CDH13: variants seen among roughly 807,000 people sequenced by gnomAD.
CDH13 encodes cadherin 13.
CDH13 carries 24 observed loss-of-function variants against 63.8 expected under a neutral mutation model. The ratio of observed to expected loss-of-function variants is 0.38; its 90% CI spans 0.27 to 0.53. The LOEUF (loss-of-function observed/expected upper bound fraction) is 0.53. Ranked by LOEUF, CDH13 falls within the 20% of genes least tolerant of loss-of-function variation. The pLI, the probability that CDH13 is intolerant of heterozygous loss-of-function variation, is 0.85. For synonymous variants in CDH13, 503 were observed against 355.3 expected (o/e 1.42, Z -4.67); for missense variants, 1,049 against 903.1 (o/e 1.16, Z -2.07).
intron 6 of CDH13, among the ~76,000 whole-genome samples, chr16:83,364,145 A>G (rs55967401): frequency 1.3e-5 from 2 of 152,158 alleles, no homozygotes; most frequent in African/African-American, 2.4e-5. Flanking sequence ...ACTGCTTCTC[A>G]TGGGGACCAA....
chr16:83,047,487 G>C lies in CDH13; in HGVS notation c.366+15269G>C, dbSNP rs939473197. On this transcript the variant is annotated intron_variant, in intron 3 of 13. Transcript: ENST00000567109. The surrounding 1 kb of genome is among the most constrained non-coding windows in gnomAD (Gnocchi z 4.9). The stretch of plus-strand genomic sequence containing the variant: ...TATCTGTAATTTCCTCTTTCCCTCA[G>C]GCCTTTGCGTAATATTTTCTCTGCA... Among the ~76,000 whole-genome samples the C allele has an allele frequency of 2.0e-5, 3 of 151,962 alleles. No homozygotes were observed. The highest frequency in any genetic ancestry group is 7.3e-5 in the African/African-American group (3 of 41,354).
intron 7 of CDH13, among the ~76,000 whole-genome samples, chr16:83,574,297 A>C (rs1904909015): frequency 2.0e-5 from 3 of 152,170 alleles, no homozygotes; most frequent in African/African-American, 4.8e-5. Context: ...AACTGTGCTC[A>C]TGCACTTGAG....
chr16:82,944,442 C>T (rs1182170240), intron 2 of CDH13, among the ~76,000 whole-genome samples: 4 of 152,136 alleles, frequency 2.6e-5, no homozygotes, highest in Non-Finnish European at 5.9e-5. Flanking sequence ...AGGGAGAATG[C>T]ATAAGGGAGC....
chr16:82,925,176 C>T (rs1057356938), intron 2 of CDH13, among the ~76,000 whole-genome samples: 1 of 152,132 alleles, frequency 6.6e-6, no homozygotes, highest in Non-Finnish European at 1.5e-5. Flanking sequence ...GGGGCTGCCT[C>T]CTTTAGCTCT....
chr16:83,195,128 G>C (rs914830902), intron 4 of CDH13, among the ~76,000 whole-genome samples: 1 of 152,116 alleles, frequency 6.6e-6, no homozygotes, highest in African/African-American at 2.4e-5. Flanking sequence ...GTTCTTTGTA[G>C]CTTTATTTAC....
intron 2 of CDH13, among the ~76,000 whole-genome samples, chr16:83,005,301 A>T (rs1913371236): frequency 1.3e-5 from 2 of 152,122 alleles, no homozygotes; most frequent in South Asian, 4.1e-4. Context: ...GAATTTTTCT[A>T]CCAAAGCATA....
intron 1 of CDH13, chr16:82,824,721 A>T (rs1186540195): frequency 6.6e-6 from 1 of 152,252 alleles, no homozygotes; most frequent in Admixed American, 6.5e-5. Flanking sequence ...AGACAAAAGA[A>T]TTATACATGA....
At chr16:83,738,588 G>A (rs1485798322) in intron 10 of CDH13, among the ~76,000 whole-genome samples, 1 of 152,156 alleles carries the variant, frequency 6.6e-6, no homozygotes, top group Non-Finnish European at 1.5e-5. Flanking sequence ...CTTCCTTGGG[G>A]GTTTCAATAT....
chr16:82,962,836 C>T (rs74552249), intron 2 of CDH13, among the ~76,000 whole-genome samples: 3,378 of 151,682 alleles, frequency 0.022, 64 homozygotes, highest in Non-Finnish European at 0.038. Flanking sequence ...TAGAAACAAA[C>T]TTAAACTTTT....
At chr16:83,365,224 C>T (rs138086808) in intron 6 of CDH13, among the ~76,000 whole-genome samples, 122 of 152,264 alleles carry the variant, frequency 8.0e-4, no homozygotes, top group Non-Finnish European at 1.3e-3. Context: ...CCAGTCTAAA[C>T]GCCAGCAGGA....
intron 1 of CDH13, among the ~76,000 whole-genome samples, chr16:82,739,779 G>C (rs1377443038): frequency 6.6e-6 from 1 of 152,098 alleles, no homozygotes; most frequent in Non-Finnish European, 1.5e-5. Context: ...GTTCTGAATG[G>C]TGAGATAAAT....
At chr16:83,623,201 G>A (rs1264199326) in intron 8 of CDH13, among the ~76,000 whole-genome samples, 3 of 152,178 alleles carry the variant, frequency 2.0e-5, no homozygotes, top group East Asian at 3.9e-4. Flanking sequence ...GGTGGGGCCA[G>A]GGCTGGGTGG....
intron 6 of CDH13, among the ~76,000 whole-genome samples, chr16:83,414,399 A>G (rs1161092775): frequency 6.6e-6 from 1 of 152,220 alleles, no homozygotes; most frequent in East Asian, 1.9e-4. Context: ...AAACAAATAT[A>G]TATGTTTATA....
At chr16:83,390,641 C>A (rs903048277) in intron 6 of CDH13, among the ~76,000 whole-genome samples, 1 of 152,076 alleles carries the variant, frequency 6.6e-6, no homozygotes, top group Non-Finnish European at 1.5e-5. Context: ...CACTGTCTCC[C>A]CACCCCAACA....
rs916529763 is a variant in CDH13 at position 83,800,358 on chromosome 16, G to A, written c.*5328G>A. On this transcript the variant is annotated 3_prime_UTR_variant, in exon 14 of 14. Transcript: ENST00000567109. ...TAGAGAGTTATATCTGTGTTGTCAT[G>A]CACATGTCAACACTGTCCTGATGAC... The A allele has an allele frequency of 6.6e-6, 1 of 152,172 alleles. No homozygotes were observed. Among genetic ancestry groups the A allele is most frequent in the Non-Finnish European group, 1.5e-5 (1 of 68,032 alleles). 9.4% of individuals were successfully genotyped at this position (152,172 alleles called of 1,614,324 possible). A position where few individuals can be genotyped will look rare whatever the true frequency, so the allele number is the denominator to read the frequency against.
At position 82,903,381 on chromosome 16, in the gene CDH13, A is replaced by G. The variant is rs966900038; in HGVS notation, c.157+44908A>G. On this transcript the variant is annotated intron_variant, in intron 2 of 13. Coordinates refer to ENST00000567109, the MANE Select transcript of CDH13 (RefSeq NM_001257.5). ...GCTGGGTTGGTGTTTGACCCTGTGA[A>G]GAGCTTTGGATTGCTTTGCCTACCC... is the stretch of plus-strand genomic sequence containing the variant. 6.6e-5 allele frequency among the ~76,000 whole-genome samples: 10 copies of G among 152,178 alleles called. No individual in the cohort carries two copies. In the East Asian group the frequency reaches 1.9e-3, roughly 29 times the overall value.
intron 3 of CDH13, among the ~76,000 whole-genome samples, chr16:83,073,302 C>T (rs941728457): frequency 6.6e-6 from 1 of 151,078 alleles, no homozygotes; most frequent in African/African-American, 2.4e-5. Flanking sequence ...GGAATGGGCT[C>T]TCTCTTTGGG....
rs1179739896 is a variant in CDH13, at chr16:82,879,245, T to C, written c.157+20772T>C. ...TCTAATACTTACTAGCTCTGTAACC[T>C]AGAAAAAGCTCCTTAGCTTCTCTGC... On this transcript the variant is annotated intron_variant, in intron 2 of 13. Coordinates refer to ENST00000567109, the MANE Select transcript of CDH13 (RefSeq NM_001257.5). 1.3e-5 allele frequency among the ~76,000 whole-genome samples: 2 copies of C among 151,976 alleles called. 1 individual carries two copies. Among genetic ancestry groups the C allele is most frequent in the Non-Finnish European group, 2.9e-5 (2 of 67,994 alleles).
chr16:83,657,807 T>A (rs1379072670), intron 8 of CDH13, among the ~76,000 whole-genome samples: 3 of 152,190 alleles, frequency 2.0e-5, no homozygotes, highest in Non-Finnish European at 4.4e-5. Context: ...CCTTCAGCAC[T>A]GCCAGCCACA....
Sources: allele counts gnomAD v4.1 joint callset (sites outside exome capture counted in the v4.1 genomes callset), GRCh38; gene constraint gnomAD v4.1.1; non-coding constraint Gnocchi (gnomAD v3.1); transcripts MANE v1.5; gene names NCBI Gene and HGNC (gene_info 2026-07-23, HGNC 2026-07-21).